ANK1: variants seen among roughly 807,000 people sequenced by gnomAD.
The protein encoded by ANK1 is ankyrin-1.
A neutral mutation model predicts 210.4 loss-of-function variants in ANK1; 51 were observed. That is an observed-to-expected ratio of 0.24 (90% CI 0.19 to 0.31). The LOEUF (loss-of-function observed/expected upper bound fraction) is 0.31, where lower values mean the gene tolerates loss of function less well. ANK1 is among the 10% of genes least tolerant of loss of function. The pLI, the probability that ANK1 is intolerant of heterozygous loss-of-function variation, is 1.00. For synonymous variants in ANK1, 967 were observed against 1,025.9 expected (o/e 0.94, Z 1.10); for missense variants, 2,051 against 2,504.4 (o/e 0.82, Z 3.86).
intron 2 of ANK1, among the ~76,000 whole-genome samples, chr8:41,747,033 A>G (rs1482979450): frequency 4.6e-5 from 7 of 152,132 alleles, no homozygotes; most frequent in Non-Finnish European, 1.0e-4. Flanking sequence ...TCTGAATTCC[A>G]TAATTCCAAG....
intron 1 of ANK1, among the ~76,000 whole-genome samples, chr8:41,822,185 A>G (rs963993189): frequency 6.1e-5 from 9 of 147,538 alleles, no homozygotes; most frequent in Non-Finnish European, 1.3e-4. Flanking sequence ...AAAGAAAGAA[A>G]GAAGGAAAGA....
In ANK1 at chr8:41,672,694, C is replaced by G. The variant is rs1438192709; in HGVS notation, c.4756G>C (p.Glu1586Gln). Residue 1586 changes from glutamate to glutamine, a missense_variant, in exon 38 of 43, where the codon GAG becomes CAG. Coordinates refer to ENST00000289734, the MANE Select transcript of ANK1 (RefSeq NM_000037.4). The stretch of plus-strand genomic sequence containing the variant: ...TCAGAGTCCTCAGCCTTGCTACACT[C>G]CAGAGAGGAGTCCTCAGCAGTGACC... ...SLVTAEDSSL[E>Q]CSKAEDSDAT... is the part of the protein sequence containing the mutation. 4.3e-6 allele frequency: 7 copies of G among 1,613,650 alleles called. No individual in the cohort carries two copies. Among genetic ancestry groups the G allele is most frequent in the Non-Finnish European group, 5.9e-6 (7 of 1,179,590 alleles).
At chr8:41,717,405 GC>G (rs1827991863) in intron 12 of ANK1, among the ~76,000 whole-genome samples, 198 bp downstream of exon 12, 1 of 152,248 alleles carries the variant, frequency 6.6e-6, no homozygotes, top group Non-Finnish European at 1.5e-5. Flanking sequence ...CCAAAACAAA[GC>G]CTCCAAGGTT....
Position 41,717,582 on chromosome 8 carries a change from CCCTG to C in ANK1, c.1305+18_1305+21del. ...GAGCTCTTGGTCTAGGGGAGCAAGC[CCCTG>C]CCTGCCTGAGGGCTTACCACGTTGG... On this transcript the variant is annotated intron_variant, in intron 12 of 42. Coordinates refer to ENST00000289734, the MANE Select transcript of ANK1 (RefSeq NM_000037.4). 1 of 1,547,378 alleles carries C rather than the reference CCCTG, an allele frequency of 6.5e-7. No homozygotes were observed. The highest frequency in any genetic ancestry group is 1.2e-5 in the South Asian group (1 of 83,934).
At chr8:41,726,380 C>CTAT (rs943472516) in intron 5 of ANK1, among the ~76,000 whole-genome samples, 19 of 152,016 alleles carry the variant, frequency 1.2e-4, no homozygotes, top group South Asian at 6.2e-4. Flanking sequence ...CAATTGTGAG[C>CTAT]TATTATTATT....
At chr8:41,675,893 T>C (rs1456192729) in intron 37 of ANK1, among the ~76,000 whole-genome samples, 2 of 152,244 alleles carry the variant, frequency 1.3e-5, no homozygotes, top group African/African-American at 4.8e-5. Context: ...AAAGCCTGGC[T>C]TCTTTCACTC....
At chr8:41,827,692 TCACA>T (rs10558531) in intron 1 of ANK1, among the ~76,000 whole-genome samples, 59,880 of 108,390 alleles carry the variant, frequency 0.55, 12,866 homozygotes, top group African/African-American at 0.59. Context: ...ATATACACAC[TCACA>T]CACACTCACA....
chr8:41,690,726 T>G (rs942484779), intron 31 of ANK1, 127 bp from the exon 32 acceptor site: 1 of 1,436,132 alleles, frequency 7.0e-7, no homozygotes, highest in African/African-American at 1.4e-5. Flanking sequence ...GGGTGTGTGC[T>G]GAGAAATCCA....
intron 13 of ANK1, 21 bp from the exon 14 acceptor site, chr8:41,715,870 AAAG>A (rs756966707): frequency 2.2e-5 from 36 of 1,613,934 alleles, no homozygotes; most frequent in South Asian, 3.3e-5. Context: ...AAGGGAAAAC[AAAG>A]AAGAAGAAAC....
At chr8:41,774,117 C>G (rs376970826) in intron 1 of ANK1, among the ~76,000 whole-genome samples, 1 of 152,122 alleles carries the variant, frequency 6.6e-6, no homozygotes, top group South Asian at 2.1e-4. Flanking sequence ...CCCAGGACCC[C>G]CTGGGCAGGG....
chr8:41,873,058 G>A (rs1338432627), intron 1 of ANK1, among the ~76,000 whole-genome samples: 2 of 152,246 alleles, frequency 1.3e-5, no homozygotes, highest in East Asian at 1.9e-4. Context: ...CATGCTGAAC[G>A]AGCCGTTCTC....
At chr8:41,741,120 A>G (rs572506541) in intron 2 of ANK1, among the ~76,000 whole-genome samples, 2 of 152,322 alleles carry the variant, frequency 1.3e-5, no homozygotes, top group East Asian at 1.9e-4. Context: ...TCAGCACCCC[A>G]TGGAGGTAGG....
At position 41,850,324 on chromosome 8, in the gene ANK1, G is replaced by A. The variant is rs372025722; in HGVS notation, c.126+46031C>T. ...GGTGACAACTCTTCACCTGAGTATAGTTGACATTTTTCATAATAAAAATTT... is the reference window on the plus strand; with the variant it reads ...GGTGACAACTCTTCACCTGAGTATAATTGACATTTTTCATAATAAAAATTT... On this transcript the variant is annotated intron_variant, in intron 1 of 42. Coordinates refer to the ANK1 transcript ENST00000265709. Among the ~76,000 whole-genome samples the A allele has an allele frequency of 5.9e-5, 9 of 151,926 alleles. No individual in the cohort carries two copies. The South Asian group carries it at 8.3e-4, about 14-fold the overall frequency.
intron 10 of ANK1, among the ~76,000 whole-genome samples, chr8:41,718,431 T>C (rs1563548652): frequency 6.6e-6 from 1 of 152,238 alleles, no homozygotes; most frequent in Non-Finnish European, 1.5e-5. Context: ...GATATGTTCC[T>C]GAACATGTTG....
In ANK1 at chr8:41,655,768, G is replaced by A; in HGVS notation, c.*37-15C>T. The A allele has an allele frequency of 6.2e-7, 1 of 1,613,892 alleles. No homozygotes were observed. The highest frequency in any genetic ancestry group is 2.2e-5 in the East Asian group (1 of 44,882). On this transcript the variant is annotated splice_polypyrimidine_tract_variant and intron_variant, in intron 42 of 42. Coordinates refer to ENST00000289734, the MANE Select transcript of ANK1 (RefSeq NM_000037.4). The stretch of plus-strand genomic sequence containing the variant: ...GAGGTGTGATCCTGGGAGACACAAA[G>A]AGAGAAGGAGTCACTTAGAATGCAA...
At chr8:41,802,958 G>GGA (rs200138216) in intron 1 of ANK1, among the ~76,000 whole-genome samples, 1 of 50,492 alleles carries the variant, frequency 2.0e-5, no homozygotes, top group Non-Finnish European at 4.3e-5. Context: ...AGGGGGGGGG[G>GGA]GAGAGAGAGA....
At chr8:41,825,123 C>G (rs1342873476) in intron 1 of ANK1, among the ~76,000 whole-genome samples, 1 of 152,226 alleles carries the variant, frequency 6.6e-6, no homozygotes, top group Non-Finnish European at 1.5e-5. Flanking sequence ...CAGGTGGAAA[C>G]AGGAACTTCG....
At chr8:41,717,725 C>G in intron 11 of ANK1, 23 bp from the exon 12 acceptor site, 1 of 1,537,144 alleles carries the variant, frequency 6.5e-7, no homozygotes. Flanking sequence ...AAGGCAGAGT[C>G]CGATAAGTGG....
chr8:41,688,813 C>T (rs1447232892), intron 33 of ANK1, among the ~76,000 whole-genome samples: 2 of 152,156 alleles, frequency 1.3e-5, no homozygotes, highest in African/African-American at 2.4e-5. Context: ...GTCGTAATAA[C>T]GGCAAGCCCA....
Sources: gnomAD v4.1 joint callset for allele counts (sites outside exome capture counted in the v4.1 genomes callset) on GRCh38, gnomAD v4.1.1 for gene constraint, MANE v1.5 for transcripts, NCBI Gene and HGNC (gene_info 2026-07-23, HGNC 2026-07-21) for gene names.